The following PHKB variants were observed in gnomAD, a reference collection of about 807,000 sequenced individuals.
PHKB encodes the protein phosphorylase kinase regulatory subunit beta, also known as phosphorylase b kinase regulatory subunit beta.
A neutral mutation model predicts 152.1 loss-of-function variants in PHKB; 122 were observed. That is an observed-to-expected ratio of 0.80 (90% CI 0.69 to 0.93). PHKB has a LOEUF of 0.93. Among genes scored for constraint, PHKB ranks in the 40% least tolerant of loss-of-function variants. The pLI is 0.00. For synonymous variants in PHKB, 436 were observed against 464.9 expected (o/e 0.94, Z 0.80); for missense variants, 1,304 against 1,328.4 (o/e 0.98, Z 0.29).
chr16:47,573,696 C>T (rs1216256465), intron 7 of PHKB, among the ~76,000 whole-genome samples: 1 of 152,194 alleles, frequency 6.6e-6, no homozygotes, highest in Admixed American at 6.5e-5. Flanking sequence ...CAGGGGCTCC[C>T]AGCACCTGCC....
In PHKB at chr16:47,644,448, A is replaced by G. The variant is rs148086693; in HGVS notation, c.1608+2756A>G. Among the ~76,000 whole-genome samples, 5 of 152,332 alleles carry G rather than the reference A, an allele frequency of 3.3e-5. No individual in the cohort carries two copies. In the East Asian group the frequency reaches 5.8e-4, roughly 18 times the overall value. On this transcript the variant is annotated intron_variant, in intron 16 of 30. Transcript: ENST00000323584. ...CTACAGGAATGTACAATTCGAAAGG[A>G]GAAAGAGATACAAACCCAACTCTCA...
chr16:47,480,526 T>G (rs1207623712), intron 1 of PHKB, among the ~76,000 whole-genome samples: 1 of 152,212 alleles, frequency 6.6e-6, no homozygotes, highest in Non-Finnish European at 1.5e-5. Context: ...AATATAATTT[T>G]CTTTGAAAAG....
chr16:47,476,821 A>G (rs62061083), intron 1 of PHKB, among the ~76,000 whole-genome samples: 258 of 152,304 alleles, frequency 1.7e-3, no homozygotes, highest in Non-Finnish European at 2.9e-3. Context: ...GCCAACAGAT[A>G]TATCTTCTAG....
intron 7 of PHKB, chr16:47,566,580 T>C: frequency 3.3e-6 from 5 of 1,534,884 alleles, no homozygotes; most frequent in Non-Finnish European, 9.0e-7. Context: ...TTCTGTCACA[T>C]CATAGGGTAG....
rs1974097641 is a variant in PHKB at position 47,693,467 on chromosome 16, C to T, written c.2855C>T (p.Thr952Met). 21 of 1,613,936 alleles carry T rather than the reference C, an allele frequency of 1.3e-5. No homozygotes were observed. The highest frequency in any genetic ancestry group is 1.6e-5 in the Non-Finnish European group (19 of 1,179,996). Residue 952 changes from threonine (T) to methionine (M), a missense_variant, in exon 28 of 31, where the codon ACG becomes ATG. Thr to Met is a moderately conservative substitution (Grantham distance 81). Transcript: ENST00000323584. ...YDRVWQILER[T>M]PNGIIVAGKH... is the part of the protein sequence containing the mutation. ...CGAGTGTGGCAGATTCTGGAGCGCA[C>T]GCCCAATGGGATCATTGTTGCTGGG...
At chr16:47,526,605 T>C (rs1349303446) in intron 6 of PHKB, among the ~76,000 whole-genome samples, 1 of 151,998 alleles carries the variant, frequency 6.6e-6, no homozygotes, top group Non-Finnish European at 1.5e-5. Flanking sequence ...CAGAGCAAGA[T>C]TCCATCTCTT....
intron 1 of PHKB, among the ~76,000 whole-genome samples, chr16:47,481,522 T>C (rs1969964025): frequency 6.6e-6 from 1 of 152,248 alleles, no homozygotes; most frequent in Non-Finnish European, 1.5e-5. Context: ...AAAATCATTA[T>C]GTGGGTCATC....
intron 6 of PHKB, among the ~76,000 whole-genome samples, chr16:47,533,848 G>A (rs1970905545): frequency 6.6e-6 from 1 of 152,058 alleles, no homozygotes; most frequent in African/African-American, 2.4e-5. Flanking sequence ...AGAGCACAGA[G>A]AGACCTGGGT....
chr16:47,641,769 AG>A, intron 16 of PHKB, 77 bp downstream of exon 16: 1 of 811,202 alleles, frequency 1.2e-6, no homozygotes, highest in South Asian at 1.4e-5. Flanking sequence ...TTTACAGACA[AG>A]TCACACAGTT....
At chr16:47,620,890 TAA>T (rs1193629058) in intron 14 of PHKB, among the ~76,000 whole-genome samples, 1 of 142,052 alleles carries the variant, frequency 7.0e-6, no homozygotes, top group Admixed American at 6.8e-5. Flanking sequence ...ATAAAAAATA[TAA>T]AAAAAAAGAG....
chr16:47,684,422 C>A lies in PHKB; in HGVS notation c.2631-4619C>A, dbSNP rs369380389. On this transcript the variant is annotated intron_variant, in intron 26 of 30. Transcript: ENST00000323584. ...ATTGTACTCCTTAATTGGGGTATAT[C>A]GGAAAGAAACATGCCAATACACACA... 4.0e-3 allele frequency among the ~76,000 whole-genome samples: 606 copies of A among 152,226 alleles called. 31 individuals carry two copies. In the South Asian group the frequency reaches 0.095, roughly 24 times the overall value.
At chr16:47,651,007 A>C in intron 20 of PHKB, 86 bp downstream of exon 20, 1 of 1,001,332 alleles carries the variant, frequency 1.0e-6, no homozygotes, top group Non-Finnish European at 1.6e-6. Context: ...GGTCTATTTA[A>C]GGTTTTTGAC....
chr16:47,649,406 A>G (rs1165416226), intron 18 of PHKB, among the ~76,000 whole-genome samples: 1 of 152,214 alleles, frequency 6.6e-6, no homozygotes, highest in Admixed American at 6.5e-5. Flanking sequence ...TCTTATATAC[A>G]GTTGTATGAC....
At chr16:47,634,880 T>C (rs1972890664) in intron 14 of PHKB, among the ~76,000 whole-genome samples, 1 of 152,156 alleles carries the variant, frequency 6.6e-6, no homozygotes, top group Non-Finnish European at 1.5e-5. Flanking sequence ...AGGAAGTTAC[T>C]GGAGAGTTTT....
At chr16:47,683,180 G>T (rs1043697925) in intron 26 of PHKB, among the ~76,000 whole-genome samples, 6 of 152,204 alleles carry the variant, frequency 3.9e-5, no homozygotes, top group African/African-American at 1.4e-4. Context: ...CCCTACTGGG[G>T]GGTGCCTCCC....
rs1346302222 is a variant in PHKB at position 47,670,099 on chromosome 16, T to C, written c.2630+682T>C. 2.0e-5 allele frequency among the ~76,000 whole-genome samples: 3 copies of C among 152,348 alleles called. No homozygotes were observed. The East Asian group carries it at 5.8e-4, about 29-fold the overall frequency. On this transcript the variant is annotated intron_variant, in intron 26 of 30. Coordinates refer to ENST00000323584, the MANE Select transcript of PHKB (RefSeq NM_000293.3). ...TTGTTTGTTTTATATGAAAATGAAA[T>C]GAGATATGTTTTAAAAGTCTATGAC...
intron 6 of PHKB, among the ~76,000 whole-genome samples, chr16:47,545,754 C>T (rs1238419814): frequency 6.6e-6 from 1 of 152,230 alleles, no homozygotes; most frequent in Non-Finnish European, 1.5e-5. Context: ...GGTCTTTTCA[C>T]ATAGTCCCAT....
intron 14 of PHKB, among the ~76,000 whole-genome samples, chr16:47,627,394 G>T (rs991425158): frequency 7.9e-5 from 12 of 152,180 alleles, no homozygotes; most frequent in Admixed American, 5.9e-4. Flanking sequence ...ACCAGTTACA[G>T]CAAGTACTTA....
At chr16:47,561,934 T>G (rs943074958) in intron 7 of PHKB, 4 of 152,182 alleles carry the variant, frequency 2.6e-5, no homozygotes, top group African/African-American at 9.7e-5. Flanking sequence ...GAGTGGCCCT[T>G]TTTGGTTGCT....
Sources: gnomAD v4.1 joint callset for allele counts (sites outside exome capture counted in the v4.1 genomes callset) on GRCh38, gnomAD v4.1.1 for gene constraint, MANE v1.5 for transcripts, NCBI Gene and HGNC (gene_info 2026-07-23, HGNC 2026-07-21) for gene names.